Variants in DENND2A observed in about 807,000 individuals in gnomAD.
DENND2A encodes DENN domain containing 2A, also known as DENN domain-containing protein 2A.
Under a neutral mutation model 105.3 loss-of-function variants are expected in DENND2A, and 53 were observed. The ratio of observed to expected loss-of-function variants is 0.50; its 90% CI spans 0.40 to 0.63. DENND2A has a LOEUF of 0.63. Ranked by LOEUF, DENND2A falls within the 30% of genes least tolerant of loss-of-function variation. The pLI is 0.00. For synonymous variants in DENND2A, 522 were observed against 508.4 expected (o/e 1.03, Z -0.36); for missense variants, 1,138 against 1,279.6 (o/e 0.89, Z 1.69).
At chr7:140,545,113 A>G (rs576987863) in intron 13 of DENND2A, among the ~76,000 whole-genome samples, 3 of 152,044 alleles carry the variant, frequency 2.0e-5, no homozygotes, top group South Asian at 4.2e-4. Context: ...CTCCCCATGG[A>G]GAGTTTATAG....
chr7:140,524,639 G>C (rs781500531), intron 16 of DENND2A, among the ~76,000 whole-genome samples: 1 of 151,726 alleles, frequency 6.6e-6, no homozygotes, highest in African/African-American at 2.4e-5. Flanking sequence ...ACAGTGGCAC[G>C]ATCTCAGCTC....
chr7:140,608,966 G>C (rs1281808549), intron 1 of DENND2A, among the ~76,000 whole-genome samples: 2 of 152,072 alleles, frequency 1.3e-5, no homozygotes, highest in Non-Finnish European at 2.9e-5. Context: ...TAAATCAAAG[G>C]TCGCAGAGGC....
chr7:140,596,352 T>C (rs1359690363), intron 3 of DENND2A, among the ~76,000 whole-genome samples: 1 of 152,134 alleles, frequency 6.6e-6, no homozygotes, highest in Non-Finnish European at 1.5e-5. Context: ...AACAATGCGC[T>C]CCTTTGAAGA....
chr7:140,632,617 G>A (rs1800770106), intron 1 of DENND2A, among the ~76,000 whole-genome samples: 1 of 152,110 alleles, frequency 6.6e-6, no homozygotes, highest in South Asian at 2.1e-4. Flanking sequence ...CAACCAGGCT[G>A]GAGTGCAGTG....
intron 1 of DENND2A, among the ~76,000 whole-genome samples, chr7:140,614,997 G>T (rs1348907900): frequency 1.3e-5 from 2 of 152,118 alleles, no homozygotes; most frequent in African/African-American, 4.8e-5. Context: ...GCCCCAGGTA[G>T]CTGGGACTAC....
intron 1 of DENND2A, among the ~76,000 whole-genome samples, chr7:140,618,228 TAA>T (rs965325004): frequency 2.6e-5 from 4 of 152,190 alleles, no homozygotes; most frequent in Admixed American, 6.5e-5. Context: ...CTAATACAGG[TAA>T]AATATGGTTT....
At chr7:140,522,169 C>A (rs1795884840) in intron 17 of DENND2A, 69 bp from the exon 18 acceptor site, 2 of 1,571,638 alleles carry the variant, frequency 1.3e-6, no homozygotes, top group South Asian at 1.2e-5. Context: ...TTGAGACAAG[C>A]CAATTGGTAA....
intron 14 of DENND2A, among the ~76,000 whole-genome samples, chr7:140,539,070 G>A (rs557981267): frequency 1.3e-4 from 20 of 152,092 alleles, no homozygotes; most frequent in East Asian, 3.9e-4. Flanking sequence ...GCAATCCACC[G>A]GCCTCAGCCT....
chr7:140,551,841 C>CTCTGGT lies in DENND2A; in HGVS notation c.2037+3789_2037+3794dup, dbSNP rs538591358. ...AGTTCCTGGGATCAGTTAGCTAAAG[C>CTCTGGT]TCTGGTTCTGGTTCTGTCCTGAATA... On this transcript the variant is annotated intron_variant, in intron 12 of 19. Coordinates refer to ENST00000496613, the MANE Select transcript of DENND2A (RefSeq NM_015689.5). Among the ~76,000 whole-genome samples, 265 of 152,346 alleles carry CTCTGGT rather than the reference C, an allele frequency of 1.7e-3. 1 individual carries two copies. The highest frequency in any genetic ancestry group is 2.6e-3 in the Non-Finnish European group (178 of 68,034).
At chr7:140,519,953 T>C (rs117447751) in intron 18 of DENND2A, among the ~76,000 whole-genome samples, 1,760 of 152,250 alleles carry the variant, frequency 0.012, 27 homozygotes, top group Non-Finnish European at 0.02. Context: ...AAATCCTATT[T>C]TTATTCAACA....
At chr7:140,601,334 G>A in intron 3 of DENND2A, 69 bp downstream of exon 3, 2 of 1,513,488 alleles carry the variant, frequency 1.3e-6, no homozygotes, top group Non-Finnish European at 8.8e-7. Flanking sequence ...AGAACAGACG[G>A]TTATGATGGG....
intron 9 of DENND2A, among the ~76,000 whole-genome samples, chr7:140,565,327 T>C (rs1186854693): frequency 6.6e-6 from 1 of 151,566 alleles, no homozygotes; most frequent in Non-Finnish European, 1.5e-5. Context: ...CTTTGCATGC[T>C]TTTCTGGGGG....
intron 1 of DENND2A, among the ~76,000 whole-genome samples, chr7:140,617,119 A>G (rs952536900): frequency 6.6e-6 from 1 of 152,150 alleles, no homozygotes; most frequent in Non-Finnish European, 1.5e-5. Context: ...TGGCCTCCCT[A>G]AATGCTGGGA....
rs1338556967 is a variant in DENND2A at position 140,602,392 on chromosome 7, A to G, written c.6T>C (p.Asp2=). ...TGATGATCATATCCAAGCTGAACAT[A>G]TCCATTCTTGACTCTAGCGTGAGGT... The part of the protein sequence containing the change: M[D]MFSLDMIISD... The change falls in exon 3 of 20, where the codon GAT becomes GAC. Residue 2 remains aspartate (D), a synonymous_variant. Transcript: ENST00000496613. The G allele has an allele frequency of 6.4e-7, 1 of 1,565,310 alleles. No individual in the cohort carries two copies. Among genetic ancestry groups the G allele is most frequent in the East Asian group, 2.3e-5 (1 of 44,328 alleles).
At chr7:140,538,511 T>A (rs972129093) in intron 14 of DENND2A, among the ~76,000 whole-genome samples, 20 of 152,164 alleles carry the variant, frequency 1.3e-4, no homozygotes, top group African/African-American at 4.6e-4. Context: ...TTTCTTTTTT[T>A]AATTTTTTTA....
chr7:140,541,074 C>T (rs1044504999), intron 14 of DENND2A, among the ~76,000 whole-genome samples: 3 of 152,138 alleles, frequency 2.0e-5, no homozygotes, highest in African/African-American at 7.2e-5. Context: ...CTGCATTGCC[C>T]TTTGGAGATG....
chr7:140,574,935 G>T (rs890662739), intron 5 of DENND2A, among the ~76,000 whole-genome samples: 11 of 152,056 alleles, frequency 7.2e-5, no homozygotes, highest in African/African-American at 2.4e-4. Flanking sequence ...CAGGAGAATC[G>T]CCTGAACCCT....
intron 1 of DENND2A, among the ~76,000 whole-genome samples, chr7:140,611,054 A>AT (rs1386678969): frequency 2.6e-5 from 4 of 151,886 alleles, no homozygotes; most frequent in South Asian, 2.1e-4. Context: ...TATTATTATT[A>AT]TTATTTTTTG....
chr7:140,592,292 C>T (rs1799088513), intron 3 of DENND2A, among the ~76,000 whole-genome samples: 1 of 151,246 alleles, frequency 6.6e-6, no homozygotes, highest in African/African-American at 2.4e-5. Flanking sequence ...CTGAAAGCTC[C>T]ACCTCCTCGG....
Sources: gnomAD v4.1 joint callset for allele counts (sites outside exome capture counted in the v4.1 genomes callset) on GRCh38, gnomAD v4.1.1 for gene constraint, MANE v1.5 for transcripts, NCBI Gene and HGNC (gene_info 2026-07-23, HGNC 2026-07-21) for gene names.